Variants in VAPA observed in about 807,000 individuals in gnomAD.
The protein encoded by VAPA is vesicle-associated membrane protein-associated protein A.
VAPA carries 6 observed loss-of-function variants against 25.6 expected under a neutral mutation model. The ratio of observed to expected loss-of-function variants is 0.23; its 90% CI spans 0.13 to 0.46. The LOEUF (loss-of-function observed/expected upper bound fraction) is 0.46. Among genes scored for constraint, VAPA ranks in the 20% least tolerant of loss-of-function variants. The probability of loss-of-function intolerance (pLI) is 0.99; values close to 1 mark genes in which losing one functional copy is unlikely to be tolerated. For synonymous variants in VAPA, 112 were observed against 106.2 expected, an observed-to-expected ratio of 1.05 and a Z score of -0.34; for missense variants, 244 against 302.1, an observed-to-expected ratio of 0.81 and a Z score of 1.43.
rs3025522 is a variant in VAPA at position 9,958,171 on chromosome 18, T to C, written c.*3960T>C. The stretch of plus-strand genomic sequence containing the variant: ...GTTCTTTAAGCATAATCACTAATTA[T>C]AAGTTGTATCCTATTTTTTTCCAGC... On this transcript the variant is annotated 3_prime_UTR_variant, in exon 6 of 6. Coordinates refer to ENST00000400000, the MANE Select transcript of VAPA (RefSeq NM_194434.3). 1.3e-5 allele frequency: 2 copies of C among 152,242 alleles called. No homozygotes were observed. Among genetic ancestry groups the C allele is most frequent in the African/African-American group, 4.8e-5 (2 of 41,464 alleles). 9.4% of individuals were successfully genotyped at this position (152,242 alleles called of 1,614,324 possible).
chr18:9,938,975 A>G (rs1209267206), intron 4 of VAPA, among the ~76,000 whole-genome samples: 1 of 152,090 alleles, frequency 6.6e-6, no homozygotes, highest in Admixed American at 6.5e-5. Context: ...TAACTGTTTC[A>G]ATGTGTATTT....
rs749961805 is a variant in VAPA at position 9,958,794 on chromosome 18, G to A, written c.*4583G>A. The A allele has an allele frequency of 1.3e-5, 2 of 152,208 alleles. No individual in the cohort carries two copies. The highest frequency in any genetic ancestry group is 4.8e-5 in the African/African-American group (2 of 41,458). The allele number at this position is 152,208 out of a possible 1,614,324, so 9.4% of individuals were successfully genotyped here. A position where few individuals can be genotyped will look rare whatever the true frequency, so the allele number is the denominator to read the frequency against. On this transcript the variant is annotated 3_prime_UTR_variant, in exon 6 of 6. Transcript: ENST00000400000. ...ATTGCATAAAAGCTTTGCTTGTCAA[G>A]TTAGGATTGCTGGAATACCACTAAA...
At chr18:9,937,184 A>G (rs764884340) in intron 4 of VAPA, 118 bp downstream of exon 4, 5 of 531,542 alleles carry the variant, frequency 9.4e-6, no homozygotes, top group Non-Finnish European at 1.5e-5. Flanking sequence ...ACTTCATAAG[A>G]CTCAGTGGTT....
chr18:9,952,946 C>T (rs1027548274), intron 5 of VAPA, among the ~76,000 whole-genome samples: 16 of 152,128 alleles, frequency 1.1e-4, no homozygotes, highest in African/African-American at 3.4e-4. Flanking sequence ...ATTAGGTGTA[C>T]TCTTTTAGTT....
intron 1 of VAPA, among the ~76,000 whole-genome samples, chr18:9,926,943 G>C (rs1416460190): frequency 6.6e-6 from 1 of 152,088 alleles, no homozygotes; most frequent in Non-Finnish European, 1.5e-5. Context: ...TGAGTAACTA[G>C]CCTAAATGGG....
chr18:9,939,505 T>C (rs1414376812), intron 4 of VAPA, among the ~76,000 whole-genome samples: 1 of 145,102 alleles, frequency 6.9e-6, no homozygotes, highest in African/African-American at 2.6e-5. Context: ...TCTTAGTTTG[T>C]TACGTTTCCT....
At chr18:9,942,094 CTG>C (rs138134573) in intron 4 of VAPA, among the ~76,000 whole-genome samples, 1,776 of 152,282 alleles carry the variant, frequency 0.012, 23 homozygotes, top group African/African-American at 0.04. Flanking sequence ...ACGTAGAACT[CTG>C]TGGATGGCAT....
intron 4 of VAPA, among the ~76,000 whole-genome samples, chr18:9,944,290 C>A (rs1312768952): frequency 6.6e-6 from 1 of 152,030 alleles, no homozygotes; most frequent in Non-Finnish European, 1.5e-5. Flanking sequence ...ACATTATTTT[C>A]TGTTGAGACA....
intron 1 of VAPA, among the ~76,000 whole-genome samples, chr18:9,929,531 T>C (rs1207280947): frequency 6.6e-6 from 1 of 152,146 alleles, no homozygotes; most frequent in Non-Finnish European, 1.5e-5. Context: ...GTAAAATGTT[T>C]TTGAATATTT....
intron 2 of VAPA, among the ~76,000 whole-genome samples, chr18:9,933,508 C>G (rs897201094): frequency 6.6e-6 from 1 of 152,176 alleles, no homozygotes; most frequent in Non-Finnish European, 1.5e-5. Context: ...TCTACTACAT[C>G]TTTAAGCCTT....
At chr18:9,929,687 A>G (rs972879068) in intron 1 of VAPA, among the ~76,000 whole-genome samples, 4 of 152,152 alleles carry the variant, frequency 2.6e-5, no homozygotes, top group African/African-American at 9.7e-5. Flanking sequence ...GGTCATCAGT[A>G]CTTGATAATT....
Position 9,955,360 on chromosome 18 carries a change from G to C in VAPA, c.*1149G>C, listed in dbSNP as rs2069537108. The stretch of plus-strand genomic sequence containing the variant: ...TTTATGAAAAATGATTTTAGCCTTT[G>C]CAAATGTTAACCATGTGAAACACAT... On this transcript the variant is annotated 3_prime_UTR_variant, in exon 6 of 6. Coordinates refer to ENST00000400000, the MANE Select transcript of VAPA (RefSeq NM_194434.3). 6.6e-6 allele frequency: 1 copy of C among 152,144 alleles called. No individual in the cohort carries two copies. The highest frequency in any genetic ancestry group is 2.4e-5 in the African/African-American group (1 of 41,432). The allele number at this position is 152,144 out of a possible 1,614,324, so 9.4% of individuals were successfully genotyped here.
intron 5 of VAPA, among the ~76,000 whole-genome samples, chr18:9,952,709 G>A (rs2069503352): frequency 6.6e-6 from 1 of 152,022 alleles, no homozygotes; most frequent in Admixed American, 6.6e-5. Flanking sequence ...CTAGCCCTGT[G>A]GTTCTTAATT....
chr18:9,954,262 A>G lies in VAPA; in HGVS notation c.*51A>G. ...TTTTTTTTTTTTTCTCTTGACCAGA[A>G]AAAGATTTGTTTACCTACCATTTCA... is the stretch of plus-strand genomic sequence containing the variant. On this transcript the variant is annotated 3_prime_UTR_variant, in exon 6 of 6. Coordinates refer to ENST00000400000, the MANE Select transcript of VAPA (RefSeq NM_194434.3). 1 of 1,523,136 alleles carries G rather than the reference A, an allele frequency of 6.6e-7. No homozygotes were observed. The highest frequency in any genetic ancestry group is 8.9e-7 in the Non-Finnish European group (1 of 1,128,610). 94.4% of individuals were successfully genotyped at this position (1,523,136 alleles called of 1,614,324 possible). A position where few individuals can be genotyped will look rare whatever the true frequency, so the allele number is the denominator to read the frequency against.
At position 9,941,286 on chromosome 18, in the gene VAPA, G is replaced by C. The variant is rs141992677; in HGVS notation, c.417+4220G>C. On this transcript the variant is annotated intron_variant, in intron 4 of 5. Coordinates refer to ENST00000400000, the MANE Select transcript of VAPA (RefSeq NM_194434.3). ...TTACTGAGAAATGTGTTTAAACTCA[G>C]TGCAACCTGGCACAGACCCAACTCC... 1.9e-3 allele frequency among the ~76,000 whole-genome samples: 282 copies of C among 152,272 alleles called. 2 individuals are homozygous for C. Among genetic ancestry groups the C allele is most frequent in the Admixed American group, 0.014 (214 of 15,300 alleles).
intron 1 of VAPA, chr18:9,914,659 C>G (rs975124633): frequency 6.6e-6 from 1 of 150,774 alleles, no homozygotes; most frequent in East Asian, 1.9e-4. Flanking sequence ...TCCGGTCCCG[C>G]CCGCGCCGCG....
intron 1 of VAPA, among the ~76,000 whole-genome samples, chr18:9,928,421 C>T (rs529735590): frequency 6.6e-6 from 1 of 152,130 alleles, no homozygotes; most frequent in African/African-American, 2.4e-5. Context: ...GCAAAGTGCT[C>T]CTTTTACCCT....
intron 1 of VAPA, among the ~76,000 whole-genome samples, chr18:9,917,259 T>C (rs1449660787): frequency 6.6e-6 from 1 of 152,248 alleles, no homozygotes; most frequent in Non-Finnish European, 1.5e-5. Context: ...AAATTCCATT[T>C]ATAATGTATT....
chr18:9,928,953 C>T (rs1179360236), intron 1 of VAPA, among the ~76,000 whole-genome samples: 7 of 151,964 alleles, frequency 4.6e-5, no homozygotes, highest in African/African-American at 9.7e-5. Flanking sequence ...AAGAATATGC[C>T]GTTTTAGGGC....
Sources: allele counts gnomAD v4.1 joint callset (sites outside exome capture counted in the v4.1 genomes callset), GRCh38; gene constraint gnomAD v4.1.1; transcripts MANE v1.5; gene names NCBI Gene and HGNC (gene_info 2026-07-23, HGNC 2026-07-21).